ZFP82: variants seen among roughly 807,000 people sequenced by gnomAD.
ZFP82 encodes the protein zinc finger protein 82 homolog.
Under a neutral mutation model 54.0 loss-of-function variants are expected in ZFP82, and 30 were observed. The ratio of observed to expected loss-of-function variants is 0.56; its 90% CI spans 0.42 to 0.75. The LOEUF (loss-of-function observed/expected upper bound fraction) is 0.75. Ranked by LOEUF, ZFP82 falls within the 30% of genes least tolerant of loss-of-function variation. The pLI, the probability that ZFP82 is intolerant of heterozygous loss-of-function variation, is 0.00. For synonymous variants in ZFP82, 194 were observed against 209.5 expected (o/e 0.93, Z 0.64); for missense variants, 500 against 636.8 (o/e 0.79, Z 2.31).
rs1052415016 is a variant in ZFP82 at position 36,391,827 on chromosome 19, C to G, written c.*914G>C. ...GAATTCCTTACTTTCAATATTTTAA[C>G]GAGAATAAGATATCTCAAGTTCAAT... On this transcript the variant is annotated 3_prime_UTR_variant, in exon 5 of 5. Coordinates refer to ENST00000392161, the MANE Select transcript of ZFP82 (RefSeq NM_133466.4). 2 of 151,998 alleles carry G rather than the reference C, an allele frequency of 1.3e-5. No homozygotes were observed. The highest frequency in any genetic ancestry group is 2.9e-5 in the Non-Finnish European group (2 of 68,018). 9.4% of individuals were successfully genotyped at this position (151,998 alleles called of 1,614,324 possible). A position where few individuals can be genotyped will look rare whatever the true frequency, so the allele number is the denominator to read the frequency against.
chr19:36,390,488 A>C lies in ZFP82; in HGVS notation c.*2253T>G, dbSNP rs2032178697. ...TGTAAACTGGTAATTAGGTTTGGAG[A>C]CTAACTTGTACTTCTCAGTTTTGGG... On this transcript the variant is annotated 3_prime_UTR_variant, in exon 5 of 5. Coordinates refer to ENST00000392161, the MANE Select transcript of ZFP82 (RefSeq NM_133466.4). 2 of 151,984 alleles carry C rather than the reference A, an allele frequency of 1.3e-5. No homozygotes were observed. The allele number at this position is 151,984 out of a possible 1,614,324, so 9.4% of individuals were successfully genotyped here.
In ZFP82 at chr19:36,414,811, T is replaced by C. The variant is rs1482819266; in HGVS notation, c.-79+3681A>G. Among the ~76,000 whole-genome samples the C allele has an allele frequency of 3.0e-4, 45 of 148,658 alleles. 1 individual carries two copies. The highest frequency in any genetic ancestry group is 3.0e-5 in the Non-Finnish European group (2 of 67,592). On this transcript the variant is annotated intron_variant, in intron 1 of 4. Transcript: ENST00000392161. The stretch of plus-strand genomic sequence containing the variant: ...GCTCAAGAATTTTGCTTTGATAAGG[T>C]ATCATATTAAATACTTTTTTTTTTT...
chr19:36,405,687 A>G lies in ZFP82; in HGVS notation c.137-15T>C. 1 of 1,555,420 alleles carries G rather than the reference A, an allele frequency of 6.4e-7. No individual in the cohort carries two copies. Among genetic ancestry groups the G allele is most frequent in the Non-Finnish European group, 8.8e-7 (1 of 1,139,498 alleles). ...AATGAAGCATCCTGCTTAGAAGAAA[A>G]GGAATATAAGGTACATGAAAATAAA... On this transcript the variant is annotated splice_polypyrimidine_tract_variant and intron_variant, in intron 3 of 4. Coordinates refer to ENST00000392161, the MANE Select transcript of ZFP82 (RefSeq NM_133466.4).
chr19:36,413,807 A>C (rs2032619165), intron 1 of ZFP82, among the ~76,000 whole-genome samples: 1 of 152,208 alleles, frequency 6.6e-6, no homozygotes, highest in Non-Finnish European at 1.5e-5. Context: ...AACATAATAC[A>C]TAAAGCACTT....
At chr19:36,410,668 A>C (rs544086971) in intron 1 of ZFP82, among the ~76,000 whole-genome samples, 33 of 151,924 alleles carry the variant, frequency 2.2e-4, no homozygotes, top group African/African-American at 7.7e-4. Flanking sequence ...ACGCCTGGCT[A>C]ATTTTTGTAT....
At chr19:36,397,925 A>C (rs2032323950) in intron 4 of ZFP82, among the ~76,000 whole-genome samples, 1 of 152,174 alleles carries the variant, frequency 6.6e-6, no homozygotes, top group East Asian at 1.9e-4. Flanking sequence ...ATTTATCAAA[A>C]CTGATCATGG....
Position 36,392,801 on chromosome 19 carries a change from C to T in ZFP82, c.1539G>A (p.Lys513=), listed in dbSNP as rs2032224206. 1 of 1,607,124 alleles carries T rather than the reference C, an allele frequency of 6.2e-7. No homozygotes were observed. Among genetic ancestry groups the T allele is most frequent in the African/African-American group, 1.3e-5 (1 of 74,704 alleles). ...EKPYECKECK[K]AFRQHSHLTH... The stretch of plus-strand genomic sequence containing the variant: ...TAAGGTGTGAATGTTGCCTAAAGGC[C>T]TTCTTACATTCCTTACATTCATAGG... Residue 513 remains lysine, a synonymous_variant, in exon 5 of 5, where the codon AAG becomes AAA. Coordinates refer to ENST00000392161, the MANE Select transcript of ZFP82 (RefSeq NM_133466.4).
chr19:36,386,851 G>A (rs926575642), downstream of ZFP82, among the ~76,000 whole-genome samples: 1 of 152,168 alleles, frequency 6.6e-6, no homozygotes, highest in Non-Finnish European at 1.5e-5. Flanking sequence ...CAGGAGAATC[G>A]CTTGAATCTG....
At chr19:36,398,419 C>T (rs2032332099) in intron 4 of ZFP82, among the ~76,000 whole-genome samples, 1 of 151,948 alleles carries the variant, frequency 6.6e-6, no homozygotes, top group Non-Finnish European at 1.5e-5. Context: ...TGCTTGTAGT[C>T]CCAGCTACTT....
intron 1 of ZFP82, among the ~76,000 whole-genome samples, chr19:36,417,839 C>T (rs2032699124): frequency 6.6e-6 from 1 of 152,140 alleles, no homozygotes; most frequent in African/African-American, 2.4e-5. Flanking sequence ...GGTCCGGGTC[C>T]GCGAGGAGGT....
Position 36,393,153 on chromosome 19 carries a change from C to T in ZFP82, c.1187G>A (p.Cys396Tyr), listed in dbSNP as rs776649945. Residue 396 changes from cysteine to tyrosine, a missense_variant, in exon 5 of 5, where the codon TGT becomes TAT. Coordinates refer to ENST00000392161, the MANE Select transcript of ZFP82 (RefSeq NM_133466.4). The stretch of plus-strand genomic sequence containing the variant: ...ACTAAAGGCTTTCCAGCATTCCTTA[C>T]ATTCGTAAGGTTTTTCACCAGTATG... Reference protein sequence around the residue: ...RIHTGEKPYECKECWKAFSRY... With the variant: ...RIHTGEKPYEYKECWKAFSRY... The T allele has an allele frequency of 2.5e-6, 4 of 1,613,940 alleles. No homozygotes were observed. The highest frequency in any genetic ancestry group is 3.4e-6 in the Non-Finnish European group (4 of 1,179,966).
chr19:36,393,412 A>G lies in ZFP82; in HGVS notation c.928T>C (p.Tyr310His). The change falls in exon 5 of 5, where the codon TAT (tyrosine) becomes CAT (histidine). Residue 310 changes from tyrosine (Y) to histidine (H), a missense_variant. Transcript: ENST00000392161. Reference sequence around the variant, plus strand: ...GCCTTCCCACATTCTTTGCATTCATAGAGCCTGTCAGCACTATTAAGCTTC... The same window carrying G: ...GCCTTCCCACATTCTTTGCATTCATGGAGCCTGTCAGCACTATTAAGCTTC... Reference protein sequence around the residue: ...HQKLNSADRLYECKECGKAFL... With the variant: ...HQKLNSADRLHECKECGKAFL... The G allele has an allele frequency of 6.2e-7, 1 of 1,614,106 alleles. No individual in the cohort carries two copies. The highest frequency in any genetic ancestry group is 2.2e-5 in the East Asian group (1 of 44,878).
intron 1 of ZFP82, among the ~76,000 whole-genome samples, chr19:36,414,008 C>A (rs779127707): frequency 1.3e-5 from 2 of 150,980 alleles, no homozygotes; most frequent in Non-Finnish European, 2.9e-5. Context: ...TCAGGCCAAT[C>A]GTCTGCCTCA....
intron 3 of ZFP82, among the ~76,000 whole-genome samples, chr19:36,407,068 A>C (rs1415392106): frequency 1.4e-5 from 2 of 143,568 alleles, no homozygotes; most frequent in Non-Finnish European, 3.0e-5. Flanking sequence ...TTAGATTTTT[A>C]ATTTTCTTTT....
At chr19:36,407,659 T>C (rs780779228) in intron 3 of ZFP82, among the ~76,000 whole-genome samples, 5 of 152,162 alleles carry the variant, frequency 3.3e-5, no homozygotes, top group Admixed American at 1.3e-4. Context: ...CACAAAGATC[T>C]CAAACCCAGC....
At chr19:36,407,853 C>G in intron 3 of ZFP82, 34 bp downstream of exon 3, 1 of 1,603,036 alleles carries the variant, frequency 6.2e-7, no homozygotes, top group Middle Eastern at 1.7e-4. Context: ...TTACAGAGAA[C>G]ACAGTCTAAA....
intron 4 of ZFP82, among the ~76,000 whole-genome samples, chr19:36,401,267 T>G (rs2032380386): frequency 6.6e-6 from 1 of 152,172 alleles, no homozygotes; most frequent in African/African-American, 2.4e-5. Flanking sequence ...CTGTAATCGC[T>G]CCAAGTTCCA....
At chr19:36,405,531 T>C in intron 4 of ZFP82, 49 bp downstream of exon 4, 1 of 1,385,018 alleles carries the variant, frequency 7.2e-7, no homozygotes, top group Non-Finnish European at 1.0e-6. Context: ...TCCCCAGTGA[T>C]CTGGGGTTCC....
chr19:36,403,606 C>G (rs193152711), intron 4 of ZFP82, among the ~76,000 whole-genome samples: 1 of 124,168 alleles, frequency 8.1e-6, no homozygotes, highest in Non-Finnish European at 1.6e-5. Flanking sequence ...GGCGACAGAG[C>G]GAGACTCCGT....
Sources: gnomAD v4.1 joint callset for allele counts (sites outside exome capture counted in the v4.1 genomes callset) on GRCh38, gnomAD v4.1.1 for gene constraint, MANE v1.5 for transcripts, NCBI Gene and HGNC (gene_info 2026-07-23, HGNC 2026-07-21) for gene names.